The following KIF16B variants were observed in gnomAD, a reference collection of about 807,000 sequenced individuals.
KIF16B encodes the protein kinesin-like protein KIF16B.
Under a neutral mutation model 156.3 loss-of-function variants are expected in KIF16B, and 98 were observed. The ratio of observed to expected loss-of-function variants is 0.63; its 90% CI spans 0.53 to 0.74. The LOEUF is 0.74. Ranked by LOEUF, KIF16B falls within the 30% of genes least tolerant of loss-of-function variation. The pLI is 0.00. For synonymous variants in KIF16B, 564 were observed against 583.7 expected (o/e 0.97, Z 0.49); for missense variants, 1,421 against 1,606.5 (o/e 0.88, Z 1.97).
At chr20:16,355,896 C>T (rs890947544) in intron 23 of KIF16B, among the ~76,000 whole-genome samples, 3 of 152,206 alleles carry the variant, frequency 2.0e-5, no homozygotes, top group South Asian at 2.1e-4. Flanking sequence ...ACACTTTATA[C>T]GCACTGATAT....
chr20:16,340,153 T>G (rs1440584989), intron 23 of KIF16B, among the ~76,000 whole-genome samples: 1 of 152,216 alleles, frequency 6.6e-6, no homozygotes, highest in Non-Finnish European at 1.5e-5. Flanking sequence ...ACAGCAAGTA[T>G]GGCCTTAGAG....
intron 17 of KIF16B, among the ~76,000 whole-genome samples, chr20:16,403,431 C>T (rs973092446): frequency 6.6e-6 from 1 of 152,160 alleles, no homozygotes; most frequent in African/African-American, 2.4e-5. Context: ...GAATGTTCTC[C>T]CATTTCAGAG....
At position 16,515,581 on chromosome 20, in the gene KIF16B, T is replaced by C; in HGVS notation, c.315A>G (p.Gly105=). The C allele has an allele frequency of 6.2e-7, 1 of 1,608,360 alleles. No homozygotes were observed. The highest frequency in any genetic ancestry group is 8.5e-7 in the Non-Finnish European group (1 of 1,174,978). Residue 105 remains glycine (G), a synonymous_variant, in exon 4 of 26, where the codon GGA becomes GGG. Coordinates refer to ENST00000354981, the MANE Select transcript of KIF16B (RefSeq NM_024704.5). ...CCATCATAGTGTATGACTTTCCAGA[T>C]CCAGTTTGCCCATATGCAAAGACAC... is the stretch of plus-strand genomic sequence containing the variant. ...NACVFAYGQT[G]SGKSYTMMGN...
chr20:16,458,572 A>G (rs911445076), intron 12 of KIF16B, among the ~76,000 whole-genome samples: 2 of 152,158 alleles, frequency 1.3e-5, no homozygotes, highest in African/African-American at 4.8e-5. Flanking sequence ...ATGTGGTTTA[A>G]TATTCCAAAA....
intron 12 of KIF16B, among the ~76,000 whole-genome samples, chr20:16,486,125 C>T (rs1217173712): frequency 2.5e-4 from 38 of 152,084 alleles, no homozygotes; most frequent in Admixed American, 2.4e-3. Flanking sequence ...GGGAGCTTTA[C>T]AGAAGAATAC....
rs748617611 is a variant in KIF16B, at chr20:16,504,515, T to G, written c.1033A>C (p.Thr345Pro). ...ISPADVNYGETLSTLRYANRA... is the reference protein window; with the variant it reads ...ISPADVNYGEPLSTLRYANRA... ...TTTGCATAGCGAAGAGTACTTAGGG[T>G]TTCTCCATAATTGACATCAGCAGGT... Residue 345 changes from threonine to proline, a missense_variant, in exon 10 of 26, where the codon ACC (threonine) becomes CCC (proline). Thr to Pro is a conservative substitution (Grantham distance 38). Coordinates refer to ENST00000354981, the MANE Select transcript of KIF16B (RefSeq NM_024704.5). 6.2e-7 allele frequency: 1 copy of G among 1,613,692 alleles called. No individual in the cohort carries two copies. The highest frequency in any genetic ancestry group is 2.2e-5 in the East Asian group (1 of 44,858).
intron 12 of KIF16B, among the ~76,000 whole-genome samples, chr20:16,482,519 T>A (rs541690022): frequency 6.6e-6 from 1 of 152,188 alleles, no homozygotes; most frequent in African/African-American, 2.4e-5. Context: ...CATTTGGAGC[T>A]CATTTTAAAT....
chr20:16,570,132 C>T (rs6131845), intron 1 of KIF16B, among the ~76,000 whole-genome samples: 36,965 of 152,110 alleles, frequency 0.24, 4,721 homozygotes, highest in African/African-American at 0.33. Flanking sequence ...AAATGATTTA[C>T]GCTATAACTT....
chr20:16,568,862 G>T (rs978317257), intron 1 of KIF16B, among the ~76,000 whole-genome samples: 4 of 134,970 alleles, frequency 3.0e-5, no homozygotes, highest in African/African-American at 1.1e-4. Flanking sequence ...AGGCATAGCT[G>T]TGACTGTCTT....
chr20:16,478,910 C>A (rs1422061229), intron 12 of KIF16B, among the ~76,000 whole-genome samples: 1 of 152,180 alleles, frequency 6.6e-6, no homozygotes, highest in Non-Finnish European at 1.5e-5. Flanking sequence ...TAAGGGGGGA[C>A]TATTGTACAC....
intron 23 of KIF16B, among the ~76,000 whole-genome samples, chr20:16,341,882 T>C (rs1432264333): frequency 6.6e-6 from 1 of 152,226 alleles, no homozygotes; most frequent in Non-Finnish European, 1.5e-5. Context: ...ATTTAGGGAC[T>C]TTCCTAGGCA....
intron 25 of KIF16B, among the ~76,000 whole-genome samples, 163 bp from the exon 26 acceptor site, chr20:16,273,574 G>A (rs541483706): frequency 6.6e-6 from 1 of 152,126 alleles, no homozygotes; most frequent in African/African-American, 2.4e-5. Context: ...TGAGGCAGGA[G>A]GATCACTTGA....
At chr20:16,318,501 C>T (rs6043886) in intron 24 of KIF16B, among the ~76,000 whole-genome samples, 5 of 152,154 alleles carry the variant, frequency 3.3e-5, no homozygotes, top group Non-Finnish European at 5.9e-5. Flanking sequence ...CTGAAGCAAC[C>T]TATGGCGCCA....
chr20:16,394,005 C>A (rs1884600), intron 17 of KIF16B, among the ~76,000 whole-genome samples: 1 of 152,028 alleles, frequency 6.6e-6, no homozygotes, highest in Non-Finnish European at 1.5e-5. Flanking sequence ...ATTACAGAGC[C>A]GGTGACACGT....
chr20:16,350,466 G>A (rs1453880288), intron 23 of KIF16B, among the ~76,000 whole-genome samples: 8 of 152,032 alleles, frequency 5.3e-5, no homozygotes, highest in Admixed American at 5.2e-4. Flanking sequence ...TGTACCCTGC[G>A]GGTGCTGAAC....
intron 24 of KIF16B, among the ~76,000 whole-genome samples, chr20:16,326,198 A>G (rs1351116975): frequency 1.3e-5 from 2 of 152,104 alleles, no homozygotes; most frequent in Non-Finnish European, 2.9e-5. Flanking sequence ...TAAAAATTCT[A>G]GAAGATAACA....
intron 12 of KIF16B, among the ~76,000 whole-genome samples, chr20:16,480,362 A>C (rs1325100080): frequency 1.3e-5 from 2 of 152,192 alleles, no homozygotes; most frequent in African/African-American, 4.8e-5. Flanking sequence ...GAAATCCTCA[A>C]GAGTTCACCT....
chr20:16,474,225 C>G (rs1190767916), intron 12 of KIF16B, among the ~76,000 whole-genome samples: 1 of 152,194 alleles, frequency 6.6e-6, no homozygotes, highest in African/African-American at 2.4e-5. Flanking sequence ...GTTGACCACG[C>G]CCCCCTTTGT....
chr20:16,404,980 T>A, intron 16 of KIF16B, 79 bp from the exon 17 acceptor site: 1 of 968,986 alleles, frequency 1.0e-6, no homozygotes, highest in Non-Finnish European at 1.6e-6. Flanking sequence ...GCTTCCAACA[T>A]GTGAGAGACA....
Sources: allele counts gnomAD v4.1 joint callset (sites outside exome capture counted in the v4.1 genomes callset), GRCh38; gene constraint gnomAD v4.1.1; transcripts MANE v1.5; gene names NCBI Gene and HGNC (gene_info 2026-07-23, HGNC 2026-07-21).